CDH12: variants seen among roughly 807,000 people sequenced by gnomAD.
CDH12 encodes cadherin-12.
CDH12 carries 41 observed loss-of-function variants against 74.1 expected under a neutral mutation model. The ratio of observed to expected loss-of-function variants is 0.55; its 90% CI spans 0.43 to 0.72. The LOEUF is 0.72. Ranked by LOEUF, CDH12 falls within the 30% of genes least tolerant of loss-of-function variation. CDH12 has a pLI of 0.00. For missense variants in CDH12, 945 were observed against 977.2 expected (o/e 0.97, Z 0.44); for synonymous variants, 399 against 355.0 (o/e 1.12, Z -1.39).
At chr5:22,357,227 T>A (rs1400527054) in intron 3 of CDH12, among the ~76,000 whole-genome samples, 1 of 152,134 alleles carries the variant, frequency 6.6e-6, no homozygotes, top group Non-Finnish European at 1.5e-5. Flanking sequence ...GGTTGGAGAT[T>A]CCCATGAGAG....
chr5:22,335,168 A>AT, intron 3 of CDH12, among the ~76,000 whole-genome samples: 1 of 152,256 alleles, frequency 6.6e-6, no homozygotes, highest in East Asian at 1.9e-4. Flanking sequence ...TAATTATCTG[A>AT]TTTTTTAAAT....
chr5:22,302,223 C>T (rs1737915751), intron 3 of CDH12, among the ~76,000 whole-genome samples: 2 of 152,180 alleles, frequency 1.3e-5, no homozygotes, highest in East Asian at 1.9e-4. Context: ...AAAACTAGTA[C>T]ATCCGCTCTA....
chr5:22,131,844 A>G lies in CDH12; in HGVS notation c.-186-52982T>C, dbSNP rs189379795. ...ATTTAATCTGGCCCAAGGTAAAGAA[A>G]TACTGCAACCTCAGATCTACTGGCC... is the stretch of plus-strand genomic sequence containing the variant. On this transcript the variant is annotated intron_variant, in intron 4 of 14. Transcript: ENST00000382254. Among the ~76,000 whole-genome samples the G allele has an allele frequency of 1.7e-3, 254 of 152,256 alleles. 1 individual carries two copies. Among genetic ancestry groups the G allele is most frequent in the African/African-American group, 6.0e-3 (250 of 41,564 alleles).
intron 4 of CDH12, among the ~76,000 whole-genome samples, chr5:22,154,289 G>C (rs567992364): frequency 1.3e-5 from 2 of 151,156 alleles, no homozygotes; most frequent in Non-Finnish European, 3.0e-5. Context: ...ATACAATATA[G>C]TATTACTAAC....
At position 22,137,336 on chromosome 5, in the gene CDH12, T is replaced by A. The variant is rs537603695; in HGVS notation, c.-186-58474A>T. 2.0e-4 allele frequency among the ~76,000 whole-genome samples: 30 copies of A among 152,196 alleles called. No individual in the cohort carries two copies. The South Asian group carries it at 4.6e-3, about 23-fold the overall frequency. On this transcript the variant is annotated intron_variant, in intron 4 of 14. Coordinates refer to ENST00000382254, the MANE Select transcript of CDH12 (RefSeq NM_004061.5). ...CCAGCTTTGTCTTATAGTTATAATA[T>A]GCAAACTATTGGCATAATTCTACAT...
chr5:22,453,699 T>C (rs1335778237), intron 2 of CDH12, among the ~76,000 whole-genome samples: 1 of 152,142 alleles, frequency 6.6e-6, no homozygotes, highest in Non-Finnish European at 1.5e-5. Context: ...AATAATTTAC[T>C]GCATATTTCA....
chr5:22,375,392 A>G (rs947473368), intron 3 of CDH12, among the ~76,000 whole-genome samples: 8 of 152,292 alleles, frequency 5.3e-5, no homozygotes, highest in African/African-American at 1.9e-4. Context: ...CTAGATAAAT[A>G]TTTTATGACT....
intron 1 of CDH12, among the ~76,000 whole-genome samples, chr5:22,543,734 A>T (rs987040578): frequency 3.9e-5 from 6 of 152,190 alleles, no homozygotes; most frequent in Non-Finnish European, 8.8e-5. Flanking sequence ...TTAAATGAAG[A>T]TGTTGAAGTA....
At chr5:22,596,606 G>GACTGGT (rs887901615) in intron 1 of CDH12, among the ~76,000 whole-genome samples, 157 of 152,312 alleles carry the variant, frequency 1.0e-3, no homozygotes, top group African/African-American at 3.6e-3. Context: ...CAGAAACCAT[G>GACTGGT]ACTGGTATTT....
chr5:22,206,303 A>G lies in CDH12; in HGVS notation c.-187+6195T>C, dbSNP rs1050699088. Among the ~76,000 whole-genome samples, 48 of 152,206 alleles carry G rather than the reference A, an allele frequency of 3.2e-4. 1 individual carries two copies. The highest frequency in any genetic ancestry group is 6.2e-4 in the Non-Finnish European group (42 of 68,036). On this transcript the variant is annotated intron_variant, in intron 4 of 14. Coordinates refer to ENST00000382254, the MANE Select transcript of CDH12 (RefSeq NM_004061.5). ...TAAAACCTCTAAAAAAGATCCCCAGATAACTTGCGTGCCTGTTCTTAAGGT... is the reference window on the plus strand; with the variant it reads ...TAAAACCTCTAAAAAAGATCCCCAGGTAACTTGCGTGCCTGTTCTTAAGGT...
chr5:22,015,496 A>G lies in CDH12; in HGVS notation c.232-40111T>C, dbSNP rs145048240. Among the ~76,000 whole-genome samples, 1,314 of 152,288 alleles carry G rather than the reference A, an allele frequency of 8.6e-3. 17 individuals carry two copies. The highest frequency in any genetic ancestry group is 0.03 in the African/African-American group (1,235 of 41,578). ...CACTGATTCTCCAAAAATCATTTTC[A>G]TCAATAAAATCTGCCAAAATGTGTT... is the stretch of plus-strand genomic sequence containing the variant. On this transcript the variant is annotated intron_variant, in intron 5 of 14. Coordinates refer to ENST00000382254, the MANE Select transcript of CDH12 (RefSeq NM_004061.5).
At chr5:22,281,980 C>CA (rs1398545677) in intron 3 of CDH12, among the ~76,000 whole-genome samples, 1 of 151,846 alleles carries the variant, frequency 6.6e-6, no homozygotes, top group East Asian at 1.9e-4. Context: ...AACTATACTA[C>CA]AAAGCTACAG....
chr5:21,847,976 A>G (rs7707626), intron 7 of CDH12, among the ~76,000 whole-genome samples: 147,912 of 152,192 alleles, frequency 0.97, 71,968 homozygotes, highest in Non-Finnish European at 1. Context: ...CTAGAAGAAT[A>G]CCAGGCATAT....
chr5:22,120,680 T>C (rs551119796), intron 4 of CDH12, among the ~76,000 whole-genome samples: 23 of 152,266 alleles, frequency 1.5e-4, no homozygotes, highest in African/African-American at 4.8e-4. Context: ...TAAAAACTCA[T>C]TTGGCATTTG....
intron 3 of CDH12, among the ~76,000 whole-genome samples, chr5:22,375,385 G>C (rs186732352): frequency 1.0e-3 from 152 of 152,182 alleles, no homozygotes; most frequent in African/African-American, 3.5e-3. Context: ...CATCAGTCTA[G>C]ATAAATATTT....
intron 1 of CDH12, among the ~76,000 whole-genome samples, chr5:22,571,167 G>A (rs10042566): frequency 0.13 from 19,915 of 151,896 alleles, 2,090 homozygotes; most frequent in East Asian, 0.36. Context: ...CAACAATAAG[G>A]CTTTATTAAC....
At chr5:22,344,560 G>T (rs1423819810) in intron 3 of CDH12, among the ~76,000 whole-genome samples, 1 of 152,034 alleles carries the variant, frequency 6.6e-6, no homozygotes, top group Non-Finnish European at 1.5e-5. Context: ...ACCACCCACA[G>T]CTAACAGCTA....
intron 1 of CDH12, among the ~76,000 whole-genome samples, chr5:22,634,632 A>C (rs941794925): frequency 6.6e-6 from 1 of 152,168 alleles, no homozygotes; most frequent in South Asian, 2.1e-4. Context: ...ATACAATTCA[A>C]GATCACCGCT....
chr5:22,189,784 T>G (rs1479897379), intron 4 of CDH12, among the ~76,000 whole-genome samples: 2 of 152,160 alleles, frequency 1.3e-5, no homozygotes, highest in African/African-American at 4.8e-5. Flanking sequence ...TAGTGGCACA[T>G]GCAATGGCTT....
Sources: gnomAD v4.1 joint callset for allele counts (sites outside exome capture counted in the v4.1 genomes callset) on GRCh38, gnomAD v4.1.1 for gene constraint, MANE v1.5 for transcripts, NCBI Gene and HGNC (gene_info 2026-07-23, HGNC 2026-07-21) for gene names.